OSBPL1A: variants seen among roughly 807,000 people sequenced by gnomAD.
OSBPL1A encodes oxysterol-binding protein-related protein 1.
In OSBPL1A, 80 loss-of-function variants were observed where a neutral mutation model predicts 137.1. The ratio of observed to expected loss-of-function variants is 0.58; its 90% confidence interval spans 0.49 to 0.70. The LOEUF (loss-of-function observed/expected upper bound fraction) is 0.70. Ranked by LOEUF, OSBPL1A falls within the 30% of genes least tolerant of loss-of-function variation. OSBPL1A has a pLI of 0.00. For synonymous variants in OSBPL1A, 365 were observed against 389.7 expected (o/e 0.94, Z 0.75); for missense variants, 970 against 1,129.4 (o/e 0.86, Z 2.02).
intron 4 of OSBPL1A, among the ~76,000 whole-genome samples, chr18:24,350,973 A>G (rs1236945551): frequency 6.6e-6 from 1 of 152,158 alleles, no homozygotes; most frequent in African/African-American, 2.4e-5. Flanking sequence ...GAGAATTCCC[A>G]GAATGACTAA....
chr18:24,258,960 A>C (rs2089367780), intron 15 of OSBPL1A, among the ~76,000 whole-genome samples: 1 of 122,984 alleles, frequency 8.1e-6, no homozygotes, highest in African/African-American at 3.2e-5. Flanking sequence ...TTAAATTGAG[A>C]CGGAGTCTCG....
chr18:24,324,455 T>TAAAAAA (rs145135815), intron 7 of OSBPL1A, among the ~76,000 whole-genome samples: 1 of 12,976 alleles, frequency 7.7e-5, no homozygotes, highest in Non-Finnish European at 1.4e-4. Flanking sequence ...CTGAAAAAGT[T>TAAAAAA]AAAAAAAAAA....
intron 14 of OSBPL1A, chr18:24,301,415 A>G (rs1468738037): frequency 6.6e-6 from 1 of 152,242 alleles, no homozygotes; most frequent in Non-Finnish European, 1.5e-5. Flanking sequence ...AGGTTAAATG[A>G]ATTAATCTTC....
In OSBPL1A at chr18:24,302,102, G is replaced by A. The variant is rs146291898; in HGVS notation, c.1174+1535C>T. On this transcript the variant is annotated intron_variant, in intron 14 of 27. Coordinates refer to ENST00000319481, the MANE Select transcript of OSBPL1A (RefSeq NM_080597.4). ...AAAAAAATTAGCCGGGCATGGTAGC[G>A]GGCACTTGTAGTCCCCAGCTACTCT... Among the ~76,000 whole-genome samples the A allele has an allele frequency of 4.0e-3, 609 of 151,814 alleles. 4 individuals carry two copies. The highest frequency in any genetic ancestry group is 0.014 in the African/African-American group (563 of 41,420).
chr18:24,166,540 A>C (rs746964189), intron 26 of OSBPL1A, 39 bp downstream of exon 26: 34 of 1,581,154 alleles, frequency 2.2e-5, no homozygotes, highest in Non-Finnish European at 2.7e-5. Context: ...TCCCCCGAGA[A>C]ATGAGTCTTC....
intron 17 of OSBPL1A, among the ~76,000 whole-genome samples, chr18:24,198,899 C>A (rs1182433325): frequency 6.6e-6 from 1 of 151,078 alleles, no homozygotes; most frequent in Non-Finnish European, 1.5e-5. Context: ...ACTCTGTTAC[C>A]CAGGCTGGAG....
At chr18:24,355,688 A>T (rs1205546655) in intron 4 of OSBPL1A, among the ~76,000 whole-genome samples, 1 of 152,024 alleles carries the variant, frequency 6.6e-6, no homozygotes, top group Non-Finnish European at 1.5e-5. Context: ...TCACCCCATT[A>T]AAAGTCATGA....
At chr18:24,330,097 A>G (rs1226300998) in intron 7 of OSBPL1A, among the ~76,000 whole-genome samples, 1 of 152,238 alleles carries the variant, frequency 6.6e-6, no homozygotes, top group East Asian at 1.9e-4. Context: ...CTGCTTGAAG[A>G]ATTTTTGTTT....
chr18:24,164,804 A>G (rs968238834), intron 27 of OSBPL1A, among the ~76,000 whole-genome samples: 1 of 152,222 alleles, frequency 6.6e-6, no homozygotes, highest in East Asian at 1.9e-4. Flanking sequence ...AAGGAAGTCA[A>G]TGTATCAAAG....
chr18:24,298,160 T>A (rs1028606633), intron 14 of OSBPL1A, among the ~76,000 whole-genome samples: 4 of 152,062 alleles, frequency 2.6e-5, no homozygotes, highest in African/African-American at 9.7e-5. Context: ...TTTACACATA[T>A]CATGGCAACA....
chr18:24,340,680 C>A (rs1263162857), intron 5 of OSBPL1A, among the ~76,000 whole-genome samples: 1 of 152,134 alleles, frequency 6.6e-6, no homozygotes, highest in Non-Finnish European at 1.5e-5. Flanking sequence ...ATGGTACATG[C>A]CTGTAATCCC....
chr18:24,215,304 A>T (rs1382908544), intron 17 of OSBPL1A, among the ~76,000 whole-genome samples: 3 of 152,216 alleles, frequency 2.0e-5, no homozygotes, highest in Non-Finnish European at 2.9e-5. Flanking sequence ...CTAAATTTCA[A>T]ATCCTGGCTG....
At chr18:24,310,163 A>G (rs1220235846) in intron 13 of OSBPL1A, among the ~76,000 whole-genome samples, 1 of 152,064 alleles carries the variant, frequency 6.6e-6, no homozygotes, top group Non-Finnish European at 1.5e-5. Context: ...AACTCTCATT[A>G]ACTCTAGGTG....
chr18:24,277,161 C>T (rs1486338200), intron 15 of OSBPL1A, among the ~76,000 whole-genome samples: 1 of 152,056 alleles, frequency 6.6e-6, no homozygotes, highest in Non-Finnish European at 1.5e-5. Flanking sequence ...TAGAAAAACA[C>T]AGACTCACAT....
chr18:24,357,036 G>T (rs900235289), intron 4 of OSBPL1A: 1 of 152,178 alleles, frequency 6.6e-6, no homozygotes, highest in Admixed American at 6.5e-5. Context: ...TACAGCTTCC[G>T]CCTCATGCCA....
intron 14 of OSBPL1A, among the ~76,000 whole-genome samples, chr18:24,287,716 G>A (rs1274033708): frequency 1.3e-5 from 2 of 151,638 alleles, no homozygotes; most frequent in African/African-American, 2.4e-5. Flanking sequence ...AGGTTGTAGT[G>A]AGCCGAGATC....
intron 2 of OSBPL1A, among the ~76,000 whole-genome samples, chr18:24,375,314 C>CAAA (rs61252568): frequency 8.6e-4 from 36 of 41,718 alleles, no homozygotes; most frequent in Non-Finnish European, 1.4e-3. Context: ...AACCCTGTCT[C>CAAA]AAAAAAAAAA....
chr18:24,368,046 C>T lies in OSBPL1A; in HGVS notation c.207+241G>A, dbSNP rs1404064954. 2.0e-5 allele frequency: 6 copies of T among 299,426 alleles called. No individual in the cohort carries two copies. The East Asian group carries it at 3.3e-4, about 17-fold the overall frequency. 18.5% of individuals were successfully genotyped at this position (299,426 alleles called of 1,614,324 possible). On this transcript the variant is annotated intron_variant, in intron 3 of 27. Coordinates refer to ENST00000319481, the MANE Select transcript of OSBPL1A (RefSeq NM_080597.4). ...AATAAAATCTTCATTAATATGCCTA[C>T]TTTTATTATTTTTAAAAGCTAGTAA...
At chr18:24,310,447 A>ATT (rs2090598070) in intron 13 of OSBPL1A, among the ~76,000 whole-genome samples, 1 of 143,680 alleles carries the variant, frequency 7.0e-6, no homozygotes, top group African/African-American at 2.6e-5. Context: ...AAAAAAAAAA[A>ATT]AAAAATTAGC....
Sources: allele counts gnomAD v4.1 joint callset (sites outside exome capture counted in the v4.1 genomes callset), GRCh38; gene constraint gnomAD v4.1.1; transcripts MANE v1.5; gene names NCBI Gene and HGNC (gene_info 2026-07-23, HGNC 2026-07-21).